TNFRSF19: variants seen among roughly 807,000 people sequenced by gnomAD.
The protein encoded by TNFRSF19 is TNF receptor superfamily member 19, also known as tumor necrosis factor receptor superfamily member 19.
Under a neutral mutation model 46.4 loss-of-function variants are expected in TNFRSF19, and 27 were observed. The ratio of observed to expected loss-of-function variants is 0.58; its 90% CI spans 0.43 to 0.80. TNFRSF19 has a LOEUF of 0.80. TNFRSF19 is among the 30% of genes least tolerant of loss of function. The pLI, the probability that TNFRSF19 is intolerant of heterozygous loss-of-function variation, is 0.00. For synonymous variants in TNFRSF19, 204 were observed against 205.0 expected (o/e 1.00, Z 0.04); for missense variants, 511 against 530.8 (o/e 0.96, Z 0.37).
chr13:23,613,036 T>C (rs559804499), intron 3 of TNFRSF19, among the ~76,000 whole-genome samples: 1 of 152,352 alleles, frequency 6.6e-6, no homozygotes, highest in Non-Finnish European at 1.5e-5. Context: ...TAAACTTGTT[T>C]TAATTAAGAA....
At chr13:23,630,648 C>T (rs1034283034) in intron 5 of TNFRSF19, among the ~76,000 whole-genome samples, 6 of 152,150 alleles carry the variant, frequency 3.9e-5, no homozygotes, top group African/African-American at 1.4e-4. Context: ...AGGCATTGTT[C>T]CCCCAAGTAA....
intron 1 of TNFRSF19, among the ~76,000 whole-genome samples, chr13:23,571,300 T>A (rs1877620109): frequency 6.6e-6 from 1 of 152,252 alleles, no homozygotes; most frequent in African/African-American, 2.4e-5. Context: ...CAATACTGTT[T>A]CTTTAGTTTA....
At position 23,675,271 on chromosome 13, in the gene TNFRSF19, C is replaced by G. The variant is rs559336998; in HGVS notation, c.*1891C>G. ...TGGTCTGTTTGCATTTCTGTTATGA[C>G]AGAGAGATGATGTTTGCATTTCTGT... On this transcript the variant is annotated 3_prime_UTR_variant, in exon 10 of 10. Transcript: ENST00000248484. 6.6e-6 allele frequency: 1 copy of G among 151,616 alleles called. No homozygotes were observed. The highest frequency in any genetic ancestry group is 1.9e-4 in the East Asian group (1 of 5,190). The allele number at this position is 151,616 out of a possible 1,614,324, so 9.4% of individuals were successfully genotyped here.
intron 3 of TNFRSF19, among the ~76,000 whole-genome samples, chr13:23,595,541 G>A (rs557014344): frequency 1.1e-4 from 17 of 152,228 alleles, no homozygotes; most frequent in African/African-American, 2.6e-4. Context: ...GAAATAAAGC[G>A]TGAAGACAAG....
intron 2 of TNFRSF19, among the ~76,000 whole-genome samples, chr13:23,592,930 G>C (rs538054244): frequency 1.3e-5 from 2 of 151,890 alleles, no homozygotes; most frequent in Admixed American, 6.6e-5. Flanking sequence ...TTTCAATTCA[G>C]ATTTTTTTCT....
intron 3 of TNFRSF19, among the ~76,000 whole-genome samples, chr13:23,615,593 T>C (rs988077827): frequency 6.6e-6 from 1 of 152,216 alleles, no homozygotes; most frequent in African/African-American, 2.4e-5. Context: ...TGCCATCCAC[T>C]GATAGTAACG....
At chr13:23,650,732 A>G (rs186844344) in intron 5 of TNFRSF19, among the ~76,000 whole-genome samples, 150 of 152,346 alleles carry the variant, frequency 9.8e-4, no homozygotes, top group African/African-American at 3.5e-3. Context: ...CTATTTTACT[A>G]TAATTTTAAA....
At chr13:23,574,020 C>A (rs567028109) in intron 1 of TNFRSF19, among the ~76,000 whole-genome samples, 285 of 148,228 alleles carry the variant, frequency 1.9e-3, no homozygotes, top group Non-Finnish European at 1.4e-3. Flanking sequence ...CGAGATGGCG[C>A]CACTGCACTC....
At chr13:23,618,067 G>A (rs1358629134) in intron 4 of TNFRSF19, among the ~76,000 whole-genome samples, 1 of 152,200 alleles carries the variant, frequency 6.6e-6, no homozygotes, top group African/African-American at 2.4e-5. Flanking sequence ...CAGAGACCCA[G>A]CACCTAGGGA....
chr13:23,585,911 C>T (rs1333271660), intron 1 of TNFRSF19, among the ~76,000 whole-genome samples: 4 of 152,086 alleles, frequency 2.6e-5, no homozygotes, highest in East Asian at 1.9e-4. Flanking sequence ...TCTAATTTTT[C>T]GAGAACATTT....
At chr13:23,640,702 T>C (rs1882987786) in intron 5 of TNFRSF19, among the ~76,000 whole-genome samples, 1 of 152,234 alleles carries the variant, frequency 6.6e-6, no homozygotes, top group Non-Finnish European at 1.5e-5. Flanking sequence ...TTAAATCAAA[T>C]TGGCTTGTCT....
intron 5 of TNFRSF19, among the ~76,000 whole-genome samples, chr13:23,653,141 G>C (rs570953882): frequency 1.3e-5 from 2 of 152,278 alleles, no homozygotes; most frequent in South Asian, 4.1e-4. Flanking sequence ...GAGGATCAAG[G>C]CTTGGCTGCT....
chr13:23,642,352 T>C (rs1883079425), intron 5 of TNFRSF19, among the ~76,000 whole-genome samples: 1 of 152,176 alleles, frequency 6.6e-6, no homozygotes, highest in African/African-American at 2.4e-5. Flanking sequence ...TGAACAATAA[T>C]TGGAGAAAGC....
intron 5 of TNFRSF19, among the ~76,000 whole-genome samples, chr13:23,651,077 A>C (rs1883599208): frequency 6.6e-6 from 1 of 152,224 alleles, no homozygotes; most frequent in East Asian, 1.9e-4. Context: ...TCAGAACTGT[A>C]TGCTTGTCTC....
intron 1 of TNFRSF19, among the ~76,000 whole-genome samples, chr13:23,586,812 G>C (rs1260620358): frequency 6.6e-6 from 1 of 152,132 alleles, no homozygotes; most frequent in East Asian, 1.9e-4. Flanking sequence ...CTTCTTCTTT[G>C]CATGCTCCTG....
At chr13:23,619,011 C>T (rs1881485074) in intron 4 of TNFRSF19, among the ~76,000 whole-genome samples, 1 of 152,192 alleles carries the variant, frequency 6.6e-6, no homozygotes, top group Non-Finnish European at 1.5e-5. Flanking sequence ...CAGATACTGG[C>T]ATCTTGATCT....
chr13:23,576,054 T>C (rs1034263515), intron 1 of TNFRSF19, among the ~76,000 whole-genome samples: 21 of 152,188 alleles, frequency 1.4e-4, no homozygotes, highest in African/African-American at 5.1e-4. Context: ...TGATATGCAG[T>C]GTTTTAAAGG....
chr13:23,664,175 G>A (rs1427550656), intron 7 of TNFRSF19, among the ~76,000 whole-genome samples: 1 of 152,114 alleles, frequency 6.6e-6, no homozygotes, highest in Non-Finnish European at 1.5e-5. Context: ...CCTTAGTTGT[G>A]TCCCAGAGAT....
chr13:23,675,115 A>G lies in TNFRSF19; in HGVS notation c.*1735A>G, dbSNP rs1951810583. ...TAAACCAATGATCCTTTGGTAGTCAAGAACTCTTAGGAACATTGCCTTTTG... is the reference window on the plus strand; with the variant it reads ...TAAACCAATGATCCTTTGGTAGTCAGGAACTCTTAGGAACATTGCCTTTTG... On this transcript the variant is annotated 3_prime_UTR_variant, in exon 10 of 10. Transcript: ENST00000248484. 1 of 152,230 alleles carries G rather than the reference A, an allele frequency of 6.6e-6. No individual in the cohort carries two copies. The highest frequency in any genetic ancestry group is 2.4e-5 in the African/African-American group (1 of 41,460). The allele number at this position is 152,230 out of a possible 1,614,324, so 9.4% of individuals were successfully genotyped here.
Sources: allele counts gnomAD v4.1 joint callset (sites outside exome capture counted in the v4.1 genomes callset), GRCh38; gene constraint gnomAD v4.1.1; transcripts MANE v1.5; gene names NCBI Gene and HGNC (gene_info 2026-07-23, HGNC 2026-07-21).